Variants in AP1G1 observed in about 807,000 individuals in gnomAD.
AP1G1 encodes adaptor related protein complex 1 subunit gamma 1, also known as AP-1 complex subunit gamma-1.
In AP1G1, 7 loss-of-function variants were observed where a neutral mutation model predicts 108.3. The ratio of observed to expected loss-of-function variants is 0.06; its 90% CI spans 0.04 to 0.12. The LOEUF is 0.12. Among genes scored for constraint, AP1G1 ranks in the 10% least tolerant of loss-of-function variants. The probability of loss-of-function intolerance (pLI) is 1.00; values close to 1 mark genes in which losing one functional copy is unlikely to be tolerated. For missense variants in AP1G1, 756 were observed against 1,010.7 expected (o/e 0.75, Z 3.42); for synonymous variants, 379 against 353.5 (o/e 1.07, Z -0.81).
intron 9 of AP1G1, among the ~76,000 whole-genome samples, chr16:71,763,644 G>A (rs1355141869): frequency 1.3e-5 from 2 of 152,146 alleles, no homozygotes; most frequent in South Asian, 4.1e-4. Flanking sequence ...TTACCATTCT[G>A]TCTGAAAGGT....
chr16:71,749,109 G>C (rs1385681970), intron 15 of AP1G1, among the ~76,000 whole-genome samples: 1 of 151,966 alleles, frequency 6.6e-6, no homozygotes, highest in Non-Finnish European at 1.5e-5. Flanking sequence ...GGGTTTCACT[G>C]TGTTAGCCAG....
At chr16:71,757,931 G>T (rs1310887666) in intron 11 of AP1G1, among the ~76,000 whole-genome samples, 1 of 152,132 alleles carries the variant, frequency 6.6e-6, no homozygotes, top group Admixed American at 6.5e-5. Flanking sequence ...GTTAATTAGG[G>T]ATAGAAGTAG....
At chr16:71,808,059 G>C (rs1156677351) in intron 1 of AP1G1, 25 of 1,176,910 alleles carry the variant, frequency 2.1e-5, no homozygotes, top group East Asian at 6.0e-5. Context: ...AGTCCTAACC[G>C]GGAAACACAA....
At chr16:71,794,805 A>T (rs2032519388) in intron 1 of AP1G1, among the ~76,000 whole-genome samples, 1 of 138,846 alleles carries the variant, frequency 7.2e-6, no homozygotes, top group Non-Finnish European at 1.5e-5. Flanking sequence ...TTTCTCATAC[A>T]GCAATACCAT....
chr16:71,798,873 G>T (rs753101498), intron 1 of AP1G1, among the ~76,000 whole-genome samples: 3 of 151,700 alleles, frequency 2.0e-5, no homozygotes, highest in Non-Finnish European at 4.4e-5. Context: ...GGGCGACAAG[G>T]GTGAGACTCT....
chr16:71,756,564 T>C (rs945351565), intron 11 of AP1G1, among the ~76,000 whole-genome samples: 3 of 152,208 alleles, frequency 2.0e-5, no homozygotes, highest in African/African-American at 7.2e-5. Context: ...TAAGTCACCA[T>C]ATTCTACTTT....
intron 17 of AP1G1, among the ~76,000 whole-genome samples, chr16:71,746,018 C>CTT (rs563880517): frequency 6.7e-6 from 1 of 149,272 alleles, no homozygotes; most frequent in Non-Finnish European, 1.5e-5. Flanking sequence ...ACTCCCACTT[C>CTT]TTTTTTTTTT....
intron 7 of AP1G1, 125 bp from the exon 8 acceptor site, chr16:71,764,851 G>T: frequency 1.6e-6 from 1 of 621,474 alleles, no homozygotes; most frequent in Non-Finnish European, 2.8e-6. Flanking sequence ...ATTCATATCA[G>T]AAATAGTCAA....
intron 1 of AP1G1, among the ~76,000 whole-genome samples, chr16:71,800,515 T>A (rs924712705): frequency 1.3e-5 from 2 of 150,622 alleles, no homozygotes; most frequent in African/African-American, 2.5e-5. Flanking sequence ...AACCCCCCCG[T>A]CTCGGGTCGG....
chr16:71,797,680 C>T (rs1237438193), intron 1 of AP1G1, among the ~76,000 whole-genome samples: 2 of 151,968 alleles, frequency 1.3e-5, no homozygotes, highest in Non-Finnish European at 2.9e-5. Flanking sequence ...ACGCCTGTGA[C>T]CCCAGCTACT....
chr16:71,773,815 C>T (rs1256694254), intron 3 of AP1G1, among the ~76,000 whole-genome samples: 3 of 149,558 alleles, frequency 2.0e-5, no homozygotes, highest in Non-Finnish European at 3.0e-5. Flanking sequence ...TGGTGGCGGG[C>T]GCCTATAATC....
intron 6 of AP1G1, 81 bp downstream of exon 6, chr16:71,769,542 A>C (rs1302474026): frequency 1.4e-6 from 2 of 1,383,806 alleles, no homozygotes; most frequent in East Asian, 2.3e-5. Flanking sequence ...CTTTCAAAAA[A>C]AAATAAGAAG....
intron 2 of AP1G1, among the ~76,000 whole-genome samples, 190 bp from the exon 3 acceptor site, chr16:71,774,782 G>C (rs1038590727): frequency 1.3e-5 from 2 of 151,914 alleles, no homozygotes; most frequent in East Asian, 3.9e-4. Context: ...GTGCAATGGT[G>C]TGATCTCGGC....
intron 2 of AP1G1, among the ~76,000 whole-genome samples, chr16:71,781,459 T>C (rs1163595089): frequency 6.6e-6 from 1 of 152,232 alleles, no homozygotes; most frequent in Non-Finnish European, 1.5e-5. Context: ...TCAAATGAAG[T>C]CTTCTGTGTA....
At chr16:71,775,019 C>CTTTTTTT (rs748508767) in intron 2 of AP1G1, among the ~76,000 whole-genome samples, 1 of 69,736 alleles carries the variant, frequency 1.4e-5, no homozygotes. Context: ...CCGCGCCTGG[C>CTTTTTTT]TTTTTTTTTT....
chr16:71,807,917 A>C (rs1028530877), intron 1 of AP1G1: 2 of 1,279,758 alleles, frequency 1.6e-6, no homozygotes, highest in East Asian at 1.1e-4. Flanking sequence ...TATTCAGCAC[A>C]GGGAGGGAAT....
intron 21 of AP1G1, 113 bp downstream of exon 21, chr16:71,738,827 TAA>T: frequency 1.0e-6 from 1 of 956,006 alleles, no homozygotes; most frequent in Non-Finnish European, 1.6e-6. Context: ...TAGTTTGAAT[TAA>T]GTCTACAAAT....
intron 6 of AP1G1, chr16:71,766,546 C>T (rs1567651575): frequency 2.6e-6 from 1 of 383,362 alleles, no homozygotes. Context: ...ATAAACAACT[C>T]TAATGACCAA....
chr16:71,731,007 C>T lies in AP1G1; in HGVS notation c.*2051G>A, dbSNP rs2045470261. On this transcript the variant is annotated 3_prime_UTR_variant, in exon 23 of 23. Coordinates refer to ENST00000299980, the MANE Select transcript of AP1G1 (RefSeq NM_001128.6). Reference sequence around the variant, plus strand: ...TATAAGAGAGAAAATAAAGCCTCTACACAAAGAGGAATGTTAAGACAAATT... The same window carrying T: ...TATAAGAGAGAAAATAAAGCCTCTATACAAAGAGGAATGTTAAGACAAATT... 1 of 152,492 alleles carries T rather than the reference C, an allele frequency of 6.6e-6. No individual in the cohort carries two copies. Among genetic ancestry groups the T allele is most frequent in the South Asian group, 2.1e-4 (1 of 4,834 alleles). 9.4% of individuals were successfully genotyped at this position (152,492 alleles called of 1,614,324 possible).
Sources: gnomAD v4.1 joint callset for allele counts (sites outside exome capture counted in the v4.1 genomes callset) on GRCh38, gnomAD v4.1.1 for gene constraint, MANE v1.5 for transcripts, NCBI Gene and HGNC (gene_info 2026-07-23, HGNC 2026-07-21) for gene names.